TRUB1: variants seen among roughly 807,000 people sequenced by gnomAD.
TRUB1 encodes pseudouridylate synthase TRUB1.
In TRUB1, 23 loss-of-function variants were observed where a neutral mutation model predicts 33.9. The observed-to-expected ratio is 0.68, with a 90% CI of 0.49 to 0.96. The LOEUF (loss-of-function observed/expected upper bound fraction) is 0.96, where lower values mean the gene tolerates loss of function less well. Among genes scored for constraint, TRUB1 ranks in the 40% least tolerant of loss-of-function variants. TRUB1 has a pLI of 0.00. For missense variants in TRUB1, 378 were observed against 422.2 expected, an observed-to-expected ratio of 0.90 and a Z score of 0.92; for synonymous variants, 163 against 165.4, an observed-to-expected ratio of 0.99 and a Z score of 0.11.
At chr10:114,974,218 C>T in intron 6 of TRUB1, 111 bp from the exon 7 acceptor site, 1 of 749,972 alleles carries the variant, frequency 1.3e-6, no homozygotes, top group Non-Finnish European at 2.3e-6. Context: ...AATATTTTAT[C>T]ACTCAATTGT....
Position 114,963,511 on chromosome 10 carries a change from A to G in TRUB1, c.523+3704A>G, listed in dbSNP as rs540402086. Among the ~76,000 whole-genome samples, 13 of 152,366 alleles carry G rather than the reference A, an allele frequency of 8.5e-5. No homozygotes were observed. In the South Asian group the frequency reaches 1.4e-3, roughly 17 times the overall value. On this transcript the variant is annotated intron_variant, in intron 4 of 7. Coordinates refer to ENST00000298746, the MANE Select transcript of TRUB1 (RefSeq NM_139169.5). ...AAAAAATAAAGGTACAGCTCTATCA[A>G]TTTGCACAAGACAAATATCTGTAGC...
chr10:114,954,251 T>A (rs2084250904), intron 3 of TRUB1, among the ~76,000 whole-genome samples: 1 of 152,160 alleles, frequency 6.6e-6, no homozygotes, highest in Non-Finnish European at 1.5e-5. Flanking sequence ...ATGGCAAATA[T>A]TCAGTGTTCT....
intron 2 of TRUB1, among the ~76,000 whole-genome samples, chr10:114,945,992 G>A (rs2084209579): frequency 6.6e-6 from 1 of 152,220 alleles, no homozygotes; most frequent in South Asian, 2.1e-4. Flanking sequence ...TCCGAGGAGA[G>A]AGAAAGTTTA....
chr10:114,940,271 A>G (rs2084180474), intron 1 of TRUB1, among the ~76,000 whole-genome samples: 1 of 151,804 alleles, frequency 6.6e-6, no homozygotes, highest in Admixed American at 6.6e-5. Context: ...ACAGGCATGC[A>G]CCACCATGCC....
intron 1 of TRUB1, among the ~76,000 whole-genome samples, chr10:114,942,156 T>C (rs1340575139): frequency 3.3e-5 from 5 of 152,152 alleles, no homozygotes; most frequent in African/African-American, 1.2e-4. Context: ...AGTTTGGGAA[T>C]TTAGTGTATT....
chr10:114,976,250 T>G lies in TRUB1; in HGVS notation c.*871T>G, dbSNP rs1171615721. The G allele has an allele frequency of 6.6e-6, 1 of 152,292 alleles. No homozygotes were observed. The highest frequency in any genetic ancestry group is 1.5e-5 in the Non-Finnish European group (1 of 68,012). 9.4% of individuals were successfully genotyped at this position (152,292 alleles called of 1,614,324 possible). On this transcript the variant is annotated 3_prime_UTR_variant, in exon 8 of 8. Coordinates refer to ENST00000298746, the MANE Select transcript of TRUB1 (RefSeq NM_139169.5). ...CTGTAGGGTGTTCCCTGTGACATTG[T>G]CTCTTTAGTTTGCTCTTTCAAGAGA...
At chr10:114,942,197 A>G (rs2084190897) in intron 1 of TRUB1, among the ~76,000 whole-genome samples, 1 of 152,200 alleles carries the variant, frequency 6.6e-6, no homozygotes. Flanking sequence ...ATGTACTCGC[A>G]ATGTTAGGTA....
intron 3 of TRUB1, among the ~76,000 whole-genome samples, chr10:114,952,123 G>A (rs1012018362): frequency 8.5e-5 from 13 of 152,114 alleles, no homozygotes; most frequent in African/African-American, 2.7e-4. Flanking sequence ...AACACTTGAC[G>A]TAGTAGTGGT....
Position 114,938,502 on chromosome 10 carries a change from C to T in TRUB1, c.249C>T (p.Ala83=), listed in dbSNP as rs1399995204. The T allele has an allele frequency of 6.4e-7, 1 of 1,566,558 alleles. No individual in the cohort carries two copies. Among genetic ancestry groups the T allele is most frequent in the East Asian group, 2.3e-5 (1 of 44,346 alleles). Residue 83 remains alanine (A), a synonymous_variant, in exon 1 of 8, where the codon GCC becomes GCT. Transcript: ENST00000298746. The part of the protein sequence containing the change: ...AVHKPKGPTS[A]ELLNRLKEKL... ...ACAAGCCCAAAGGGCCCACTTCAGC[C>T]GAGCTGCTGAATCGGTTGAAGGAGA... is the stretch of plus-strand genomic sequence containing the variant.
intron 3 of TRUB1, 23 bp downstream of exon 3, chr10:114,951,172 A>C (rs192261396): frequency 1.9e-6 from 3 of 1,594,784 alleles, no homozygotes; most frequent in East Asian, 4.5e-5. Flanking sequence ...AAATAGTTCT[A>C]TTTTTCTTTA....
At chr10:114,938,612 C>T (rs1298255967) in intron 1 of TRUB1, 73 bp downstream of exon 1, 2 of 1,416,662 alleles carry the variant, frequency 1.4e-6, no homozygotes, top group Non-Finnish European at 1.9e-6. Flanking sequence ...CTTTTTGCGA[C>T]GCTCGTGATT....
chr10:114,938,311 C>T lies in TRUB1; in HGVS notation c.58C>T (p.Pro20Ser), dbSNP rs751762173. The change falls in exon 1 of 8, where the codon CCT becomes TCT. Residue 20 changes from proline to serine, a missense_variant. By Grantham distance (74) the Pro-to-Ser change is moderately conservative (BLOSUM62 -1). Transcript: ENST00000298746. ...SSPSLKTDTS[P>S]VLETAGTVAA... The stretch of plus-strand genomic sequence containing the variant: ...GCCGTCTTTGAAAACAGACACATCC[C>T]CTGTCCTTGAAACTGCAGGAACGGT... 1.4e-5 allele frequency: 23 copies of T among 1,614,192 alleles called. No homozygotes were observed. Among genetic ancestry groups the T allele is most frequent in the Non-Finnish European group, 1.9e-5 (23 of 1,180,032 alleles).
At chr10:114,947,923 T>C (rs1470958688) in intron 2 of TRUB1, among the ~76,000 whole-genome samples, 2 of 152,168 alleles carry the variant, frequency 1.3e-5, no homozygotes, top group Non-Finnish European at 2.9e-5. Context: ...ATTCCTACGA[T>C]TGGAAAGATA....
rs1425561060 is a variant in TRUB1, at chr10:114,976,266, T to A, written c.*887T>A. 1 of 152,224 alleles carries A rather than the reference T, an allele frequency of 6.6e-6. No individual in the cohort carries two copies. Among genetic ancestry groups the A allele is most frequent in the Admixed American group, 6.6e-5 (1 of 15,262 alleles). The allele number at this position is 152,224 out of a possible 1,614,324, so 9.4% of individuals were successfully genotyped here. A position where few individuals can be genotyped will look rare whatever the true frequency, so the allele number is the denominator to read the frequency against. On this transcript the variant is annotated 3_prime_UTR_variant, in exon 8 of 8. Coordinates refer to ENST00000298746, the MANE Select transcript of TRUB1 (RefSeq NM_139169.5). ...GTGACATTGTCTCTTTAGTTTGCTC[T>A]TTCAAGAGATACTTACAGATGTTGA...
chr10:114,969,657 G>T (rs907572413), intron 4 of TRUB1: 18 of 147,174 alleles, frequency 1.2e-4, no homozygotes, highest in African/African-American at 4.5e-4. Context: ...TGCTTGTTTA[G>T]TAAGCATGCT....
At chr10:114,948,993 C>T (rs963255076) in intron 2 of TRUB1, among the ~76,000 whole-genome samples, 7 of 152,320 alleles carry the variant, frequency 4.6e-5, no homozygotes, top group African/African-American at 9.6e-5. Flanking sequence ...AAGCATTCTC[C>T]GGCCTCTTTA....
chr10:114,944,532 G>A (rs2084203269), intron 2 of TRUB1, among the ~76,000 whole-genome samples: 1 of 152,138 alleles, frequency 6.6e-6, no homozygotes, highest in African/African-American at 2.4e-5. Context: ...GGTGGCATGT[G>A]CCTGTAATGC....
rs1365420788 is a variant in TRUB1 at position 114,938,474 on chromosome 10, T to A, written c.221T>A (p.Val74Glu). Residue 74 changes from valine (V) to glutamate (E), a missense_variant, in exon 1 of 8, where the codon GTG (valine) becomes GAG (glutamate). By Grantham distance (121) the Val-to-Glu change is moderately radical. Transcript: ENST00000298746. ...KLLSLSGVFA[V>E]HKPKGPTSAE... ...CTGTCCTTGAGCGGCGTGTTCGCCG[T>A]GCACAAGCCCAAAGGGCCCACTTCA... The A allele has an allele frequency of 1.3e-6, 2 of 1,592,692 alleles. No individual in the cohort carries two copies. Among genetic ancestry groups the A allele is most frequent in the South Asian group, 2.3e-5 (2 of 87,978 alleles).
intron 4 of TRUB1, among the ~76,000 whole-genome samples, chr10:114,962,914 A>G (rs1190394719): frequency 6.6e-6 from 1 of 152,210 alleles, no homozygotes; most frequent in Admixed American, 6.5e-5. Context: ...ATAAGCCGGG[A>G]AAGGCAAAGC....
Sources: gnomAD v4.1 joint callset for allele counts (sites outside exome capture counted in the v4.1 genomes callset) on GRCh38, gnomAD v4.1.1 for gene constraint, MANE v1.5 for transcripts, NCBI Gene and HGNC (gene_info 2026-07-23, HGNC 2026-07-21) for gene names.